Variants in GABRQ observed in about 807,000 individuals in gnomAD.
GABRQ encodes gamma-aminobutyric acid receptor subunit theta.
GABRQ carries 19 observed loss-of-function variants against 30.5 expected under a neutral mutation model. That is an observed-to-expected ratio of 0.62 (90% confidence interval 0.43 to 0.91). GABRQ has a LOEUF of 0.91. Ranked by LOEUF, GABRQ falls within the 40% of genes least tolerant of loss-of-function variation. The pLI, the probability that GABRQ is intolerant of heterozygous loss-of-function variation, is 0.00. For missense variants in GABRQ, 520 were observed against 521.4 expected, an observed-to-expected ratio of 1.00 and a Z score of 0.03; for synonymous variants, 187 against 210.2, an observed-to-expected ratio of 0.89 and a Z score of 0.95.
chrX:152,646,824 T>A, intron 3 of GABRQ, 124 bp from the exon 4 acceptor site: 1 of 494,044 alleles, frequency 2.0e-6, no homozygotes, highest in Non-Finnish European at 3.6e-6. Flanking sequence ...TGTATATAGT[T>A]ATGATATACT....
In GABRQ at chrX:152,650,517, A is replaced by G. The variant is rs1930994847; in HGVS notation, c.838A>G (p.Thr280Ala). ...AGTCTACTGGCCTACTGTCCTCACC[A>G]CTATTACCTCTTGGATATCGTTTTG... ...VQVYWPTVLT[T>A]ITSWISFWMN... Residue 280 changes from threonine to alanine, a missense_variant, in exon 7 of 9, where the codon ACT (threonine) becomes GCT (alanine). Thr to Ala is a moderately conservative substitution (Grantham distance 58, BLOSUM62 0). Transcript: ENST00000598523. 8.3e-7 allele frequency: 1 copy of G among 1,202,592 alleles called. No homozygotes were observed. Among genetic ancestry groups the G allele is most frequent in the African/African-American group, 1.7e-5 (1 of 57,544 alleles).
intron 1 of GABRQ, 108 bp from the exon 2 acceptor site, chrX:152,640,270 A>G: frequency 1.8e-6 from 1 of 553,918 alleles, no homozygotes; most frequent in South Asian, 2.4e-5. Context: ...TACACGTATG[A>G]CTGGACATGT....
Position 152,637,925 on chromosome X carries a change from C to T in GABRQ, c.-278C>T, listed in dbSNP as rs1556817619. Among the ~76,000 whole-genome samples the T allele has an allele frequency of 8.8e-6, 1 of 113,477 alleles. No homozygotes were observed. Among genetic ancestry groups the T allele is most frequent in the African/African-American group, 3.2e-5 (1 of 31,320 alleles). On this transcript the variant is annotated 5_prime_UTR_variant, in exon 1 of 9. Coordinates refer to ENST00000598523, the MANE Select transcript of GABRQ (RefSeq NM_018558.4). ...CAGCCAGGAGCGGCCGCAGACGGAG[C>T]GCACCTCGCAGCTGCCGGGCGGGCC...
At position 152,655,780 on chromosome X, in the gene GABRQ, C is replaced by T. The variant is rs1931137999; in HGVS notation, c.*2499C>T. 9.0e-6 allele frequency: 1 copy of T among 111,518 alleles called. No homozygotes were observed. Among genetic ancestry groups the T allele is most frequent in the African/African-American group, 3.3e-5 (1 of 30,598 alleles). 9.2% of individuals were successfully genotyped at this position (111,518 alleles called of 1,213,427 possible). A position where few individuals can be genotyped will look rare whatever the true frequency, so the allele number is the denominator to read the frequency against. ...TCCAGCACCCTGGAGGTGCTTTCAA[C>T]CCTGTGGTGGCAAGCAGTTCATTTG... On this transcript the variant is annotated 3_prime_UTR_variant, in exon 9 of 9. Coordinates refer to ENST00000598523, the MANE Select transcript of GABRQ (RefSeq NM_018558.4).
In GABRQ at chrX:152,655,297, C is replaced by G. The variant is rs782330327; in HGVS notation, c.*2016C>G. 4.5e-5 allele frequency: 5 copies of G among 111,931 alleles called. No individual in the cohort carries two copies. Among genetic ancestry groups the G allele is most frequent in the Non-Finnish European group, 9.4e-5 (5 of 53,193 alleles). 9.2% of individuals were successfully genotyped at this position (111,931 alleles called of 1,213,427 possible). On this transcript the variant is annotated 3_prime_UTR_variant, in exon 9 of 9. Transcript: ENST00000598523. Reference sequence around the variant, plus strand: ...TCCTGTTCCAGGGAGCAGCATCTCCCAGTTCCCTTCCACTGTTTGCCCTGT... The same window carrying G: ...TCCTGTTCCAGGGAGCAGCATCTCCGAGTTCCCTTCCACTGTTTGCCCTGT...
rs781816211 is a variant in GABRQ, at chrX:152,652,884, A to G, written c.1502A>G (p.Asn501Ser). The G allele has an allele frequency of 5.7e-5, 69 of 1,210,696 alleles. No individual in the cohort carries two copies. The Middle Eastern group carries it at 6.9e-4, about 12-fold the overall frequency. ...HGVTHDHEDSNESLSSDERHG... is the reference protein window; with the variant it reads ...HGVTHDHEDSSESLSSDERHG... ...GTTACCCATGACCATGAAGATTCCA[A>G]TGAGAGCTTGAGCTCGGATGAGCGC... Residue 501 changes from asparagine (N) to serine (S), a missense_variant, in exon 9 of 9, where the codon AAT (asparagine) becomes AGT (serine). Physicochemically the swap from Asn to Ser is conservative, Grantham distance 46. Coordinates refer to ENST00000598523, the MANE Select transcript of GABRQ (RefSeq NM_018558.4).
In GABRQ at chrX:152,640,846, C is replaced by T. The variant is rs192951775; in HGVS notation, c.238+380C>T. Among the ~76,000 whole-genome samples the T allele has an allele frequency of 1.3e-4, 15 of 111,257 alleles. No homozygotes were observed. The East Asian group carries it at 4.3e-3, about 32-fold the overall frequency. On this transcript the variant is annotated intron_variant, in intron 2 of 8. Coordinates refer to ENST00000598523, the MANE Select transcript of GABRQ (RefSeq NM_018558.4). Reference sequence around the variant, plus strand: ...ACATATTCTTCTACTTGAGCACATTCTTCACACCCTGGGCACTTGTCCCAT... The same window carrying T: ...ACATATTCTTCTACTTGAGCACATTTTTCACACCCTGGGCACTTGTCCCAT...
chrX:152,645,967 A>C, intron 3 of GABRQ, among the ~76,000 whole-genome samples: 1 of 112,784 alleles, frequency 8.9e-6, no homozygotes, highest in Non-Finnish European at 1.9e-5. Context: ...AACCAAATTT[A>C]CAGAACTCCT....
At chrX:152,643,292 C>T (rs1556818658) in intron 2 of GABRQ, among the ~76,000 whole-genome samples, 1 of 112,627 alleles carries the variant, frequency 8.9e-6, no homozygotes, top group African/African-American at 3.2e-5. Flanking sequence ...TGTACCCCAA[C>T]ACAGAGGCTC....
chrX:152,649,107 T>C, intron 4 of GABRQ, 144 bp from the exon 5 acceptor site: 1 of 483,001 alleles, frequency 2.1e-6, no homozygotes, highest in Non-Finnish European at 3.8e-6. Context: ...GGTTACTTTG[T>C]CACAAACAAA....
rs782482555 is a variant in GABRQ, at chrX:152,652,918, T to G, written c.1536T>G (p.His512Gln). The G allele has an allele frequency of 1.7e-6, 2 of 1,211,492 alleles. No homozygotes were observed. Among genetic ancestry groups the G allele is most frequent in the Admixed American group, 4.3e-5 (2 of 46,147 alleles). ...ESLSSDERHG[H>Q]GPSGKPMLHH... ...TGAGCTCGGATGAGCGCCATGGCCA[T>G]GGCCCCAGTGGGAAGCCCATGCTTC... is the stretch of plus-strand genomic sequence containing the variant. The change falls in exon 9 of 9, where the codon CAT becomes CAG. Residue 512 changes from histidine (H) to glutamine (Q), a missense_variant. Physicochemically the swap from His to Gln is conservative, Grantham distance 24. Coordinates refer to ENST00000598523, the MANE Select transcript of GABRQ (RefSeq NM_018558.4).
intron 4 of GABRQ, among the ~76,000 whole-genome samples, chrX:152,648,652 C>T (rs1232029276): frequency 1.8e-5 from 2 of 111,787 alleles, no homozygotes; most frequent in African/African-American, 3.3e-5. Flanking sequence ...TGAGCCACCG[C>T]GCCCGGCCGG....
intron 2 of GABRQ, among the ~76,000 whole-genome samples, chrX:152,644,288 C>A (rs782184751): frequency 3.0e-4 from 34 of 112,117 alleles, no homozygotes; most frequent in African/African-American, 9.1e-4. Context: ...ATAAACATAA[C>A]CACACTTTCA....
chrX:152,653,296 A>T lies in GABRQ; in HGVS notation c.*15A>T. 1 of 1,144,091 alleles carries T rather than the reference A, an allele frequency of 8.7e-7. No individual in the cohort carries two copies. The highest frequency in any genetic ancestry group is 1.2e-6 in the Non-Finnish European group (1 of 839,644). 94.3% of individuals were successfully genotyped at this position (1,144,091 alleles called of 1,213,427 possible). A position where few individuals can be genotyped will look rare whatever the true frequency, so the allele number is the denominator to read the frequency against. On this transcript the variant is annotated 3_prime_UTR_variant, in exon 9 of 9. Coordinates refer to ENST00000598523, the MANE Select transcript of GABRQ (RefSeq NM_018558.4). ...ATATGTATTAGTCCCCCAGTGCTCCAGAACAGCGGGAGCACTGTGCTGTGC... is the reference window on the plus strand; with the variant it reads ...ATATGTATTAGTCCCCCAGTGCTCCTGAACAGCGGGAGCACTGTGCTGTGC...
intron 2 of GABRQ, among the ~76,000 whole-genome samples, chrX:152,645,059 C>G (rs1477416280): frequency 8.9e-6 from 1 of 112,173 alleles, no homozygotes; most frequent in Admixed American, 9.4e-5. Flanking sequence ...CACAAATTCA[C>G]TCACATGCAT....
chrX:152,654,000 T>TG lies in GABRQ; in HGVS notation c.*723dup, dbSNP rs1296117175. The stretch of plus-strand genomic sequence containing the variant: ...GGTGAGAGAGCACATACTCAGCTTG[T>TG]GGGGTTGGCAGAGGGTGGGGGGTGA... On this transcript the variant is annotated 3_prime_UTR_variant, in exon 9 of 9. Transcript: ENST00000598523. 2 of 111,458 alleles carry TG rather than the reference T, an allele frequency of 1.8e-5. No individual in the cohort carries two copies. The highest frequency in any genetic ancestry group is 3.8e-5 in the Non-Finnish European group (2 of 53,054). 9.2% of individuals were successfully genotyped at this position (111,458 alleles called of 1,213,427 possible).
At chrX:152,649,385 A>G in intron 5 of GABRQ, 52 bp downstream of exon 5, 1 of 720,675 alleles carries the variant, frequency 1.4e-6, no homozygotes, top group Non-Finnish European at 2.2e-6. Context: ...TGTGGTGATC[A>G]GGGAAGCAGA....
intron 2 of GABRQ, among the ~76,000 whole-genome samples, chrX:152,642,313 G>T (rs1253173461): frequency 1.8e-5 from 2 of 111,732 alleles, no homozygotes; most frequent in African/African-American, 6.5e-5. Flanking sequence ...TGTGAGAGGT[G>T]GAGTAGAGTT....
In GABRQ at chrX:152,654,157, G is replaced by A. The variant is rs1931101221; in HGVS notation, c.*876G>A. On this transcript the variant is annotated 3_prime_UTR_variant, in exon 9 of 9. Coordinates refer to ENST00000598523, the MANE Select transcript of GABRQ (RefSeq NM_018558.4). The stretch of plus-strand genomic sequence containing the variant: ...TAAGTCAGGAGTTAGCTTTCCGTCA[G>A]TTGCTGAGTTGATCACCAGTTACAG... The A allele has an allele frequency of 8.9e-6, 1 of 112,527 alleles. No homozygotes were observed. Among genetic ancestry groups the A allele is most frequent in the Non-Finnish European group, 1.9e-5 (1 of 53,323 alleles). The allele number at this position is 112,527 out of a possible 1,213,427, so 9.3% of individuals were successfully genotyped here.
Sources: allele counts gnomAD v4.1 joint callset (sites outside exome capture counted in the v4.1 genomes callset), GRCh38; gene constraint gnomAD v4.1.1; transcripts MANE v1.5; gene names NCBI Gene and HGNC (gene_info 2026-07-23, HGNC 2026-07-21).